Variants in NFXL1 observed in about 807,000 individuals in gnomAD.
The protein encoded by NFXL1 is nuclear transcription factor, X-box binding like 1.
NFXL1 carries 66 observed loss-of-function variants against 123.3 expected under a neutral mutation model. That is an observed-to-expected ratio of 0.54 (90% CI 0.44 to 0.66). The LOEUF (loss-of-function observed/expected upper bound fraction) is 0.66, where lower values mean the gene tolerates loss of function less well. Among genes scored for constraint, NFXL1 ranks in the 30% least tolerant of loss-of-function variants. NFXL1 has a pLI of 0.00. For missense variants in NFXL1, 944 were observed against 1,125.6 expected, an observed-to-expected ratio of 0.84 and a Z score of 2.31; for synonymous variants, 346 against 360.8, an observed-to-expected ratio of 0.96 and a Z score of 0.46.
intron 18 of NFXL1, among the ~76,000 whole-genome samples, chr4:47,868,539 A>T (rs1735243653): frequency 1.3e-5 from 2 of 152,022 alleles, no homozygotes; most frequent in Non-Finnish European, 2.9e-5. Context: ...AAAAGATGGA[A>T]GAAACAAGGG....
chr4:47,875,888 G>T (rs1008774687), intron 17 of NFXL1, among the ~76,000 whole-genome samples: 1 of 151,988 alleles, frequency 6.6e-6, no homozygotes, highest in Non-Finnish European at 1.5e-5. Flanking sequence ...ACTTAACAAG[G>T]CACCTCCCTT....
intron 13 of NFXL1, 104 bp from the exon 14 acceptor site, chr4:47,885,761 A>C: frequency 7.5e-7 from 1 of 1,332,638 alleles, no homozygotes; most frequent in Non-Finnish European, 1.0e-6. Flanking sequence ...ATATAGAATG[A>C]GTATACTGTG....
At chr4:47,894,417 T>G in intron 10 of NFXL1, 115 bp from the exon 11 acceptor site, 1 of 617,804 alleles carries the variant, frequency 1.6e-6, no homozygotes, top group African/African-American at 1.9e-5. Flanking sequence ...ACTAAATTTG[T>G]ATAACAAACT....
rs147698426 is a variant in NFXL1 at position 47,858,949 on chromosome 4, G to A, written c.2317-3786C>T. Among the ~76,000 whole-genome samples the A allele has an allele frequency of 4.6e-5, 7 of 152,112 alleles. No individual in the cohort carries two copies. In the East Asian group the frequency reaches 1.3e-3, roughly 29 times the overall value. ...GATCATTTTCCTGTTAGATGTGTAA[G>A]TAAGTATATGTCATCTCAAAAGCCA... On this transcript the variant is annotated intron_variant, in intron 19 of 22. Transcript: ENST00000507489.
chr4:47,890,681 G>C lies in NFXL1; in HGVS notation c.1475C>G (p.Pro492Arg). The C allele has an allele frequency of 6.2e-7, 1 of 1,609,732 alleles. No homozygotes were observed. Among genetic ancestry groups the C allele is most frequent in the Non-Finnish European group, 8.5e-7 (1 of 1,176,308 alleles). The change falls in exon 12 of 23, where the codon CCT (proline) becomes CGT (arginine). Residue 492 changes from proline (P) to arginine (R), a missense_variant. Pro to Arg is a moderately radical substitution (Grantham distance 103). Around this residue, in one of 4 missense-constraint regions of NFXL1, gnomAD observed 296 missense variants for 395.1 expected, o/e 0.75. Transcript: ENST00000507489. Reference protein sequence around the residue: ...RRKCCPGNCPPCDQNCGRTLG... With the variant: ...RRKCCPGNCPRCDQNCGRTLG... Reference sequence around the variant, plus strand: ...AGTCCGTCCACAGTTTTGATCACAAGGTGGACAGTTTCCAGGGCAACACTG... The same window carrying C: ...AGTCCGTCCACAGTTTTGATCACAACGTGGACAGTTTCCAGGGCAACACTG...
intron 11 of NFXL1, 115 bp from the exon 12 acceptor site, chr4:47,890,818 A>T: frequency 1.7e-6 from 1 of 597,998 alleles, no homozygotes; most frequent in Non-Finnish European, 3.0e-6. Context: ...TCACTAAAAG[A>T]AGTATTCAAG....
chr4:47,878,992 A>G, intron 16 of NFXL1, 104 bp downstream of exon 16: 1 of 717,780 alleles, frequency 1.4e-6, no homozygotes, highest in Non-Finnish European at 2.3e-6. Flanking sequence ...ACAGTAAAAT[A>G]ACAATACTTT....
chr4:47,863,052 C>G (rs1444965791), intron 18 of NFXL1, 137 bp from the exon 19 acceptor site: 10 of 613,630 alleles, frequency 1.6e-5, no homozygotes, highest in Non-Finnish European at 2.3e-5. Context: ...ATTTCTCTAT[C>G]TGTAACAATT....
chr4:47,862,968 AT>A lies in NFXL1; in HGVS notation c.2247-54del. ...AAACAAAAATCCATTTTATAGCATA[AT>A]TTTTCTAAAAATAACTCATAATTTC... On this transcript the variant is annotated intron_variant, in intron 18 of 22. Coordinates refer to ENST00000507489, the MANE Select transcript of NFXL1 (RefSeq NM_001278624.2). The A allele has an allele frequency of 4.2e-6, 4 of 950,264 alleles. No homozygotes were observed. In the South Asian group the frequency reaches 5.8e-5, roughly 14 times the overall value. 58.9% of individuals were successfully genotyped at this position (950,264 alleles called of 1,614,324 possible). A position where few individuals can be genotyped will look rare whatever the true frequency, so the allele number is the denominator to read the frequency against.
In NFXL1 at chr4:47,914,121, A is replaced by T. The variant is rs550201087; in HGVS notation, c.83T>A (p.Val28Asp). The stretch of plus-strand genomic sequence containing the variant: ...CCCTCCTCCGGCGCCGCGGAGATGG[A>T]CTCCATTTCCTGAGGGGGCGGCAGT... ...RATAAPSGNG[V>D]HLRGAGGGRE... The change falls in exon 2 of 23, where the codon GTC (valine) becomes GAC (aspartate). Residue 28 changes from valine to aspartate, a missense_variant. Transcript: ENST00000507489. 25 of 1,552,132 alleles carry T rather than the reference A, an allele frequency of 1.6e-5. No homozygotes were observed. In the African/African-American group the frequency reaches 3.2e-4, roughly 20 times the overall value.
chr4:47,858,596 C>A (rs951545953), intron 19 of NFXL1, among the ~76,000 whole-genome samples: 1 of 152,148 alleles, frequency 6.6e-6, no homozygotes, highest in African/African-American at 2.4e-5. Flanking sequence ...CATATATAAG[C>A]AAGTCACAAA....
chr4:47,899,615 T>A, intron 5 of NFXL1, 67 bp from the exon 6 acceptor site: 1 of 960,240 alleles, frequency 1.0e-6, no homozygotes, highest in Non-Finnish European at 1.6e-6. Context: ...GACAGAAATA[T>A]ACTTAACAGA....
intron 18 of NFXL1, among the ~76,000 whole-genome samples, chr4:47,870,007 C>A (rs1004293662): frequency 1.3e-5 from 2 of 151,820 alleles, no homozygotes; most frequent in Non-Finnish European, 2.9e-5. Context: ...CCAAAAATGA[C>A]CCCATAAGAG....
At chr4:47,894,101 G>C in intron 11 of NFXL1, 79 bp downstream of exon 11, 2 of 1,023,746 alleles carry the variant, frequency 2.0e-6, no homozygotes, top group South Asian at 3.9e-5. Context: ...AACAATTCAA[G>C]ACAGCACTTA....
At chr4:47,882,979 T>A (rs1736205086) in intron 15 of NFXL1, among the ~76,000 whole-genome samples, 1 of 152,194 alleles carries the variant, frequency 6.6e-6, no homozygotes, top group African/African-American at 2.4e-5. Flanking sequence ...GGAGCAGGCA[T>A]CCTAGTCTTG....
intron 2 of NFXL1, among the ~76,000 whole-genome samples, chr4:47,911,887 G>A (rs1417067216): frequency 6.6e-6 from 1 of 152,164 alleles, no homozygotes; most frequent in Non-Finnish European, 1.5e-5. Context: ...TAAGAAAGGA[G>A]CCACAAACCT....
intron 8 of NFXL1, 29 bp downstream of exon 8, chr4:47,898,728 C>CGTGG: frequency 5.0e-5 from 57 of 1,145,066 alleles, no homozygotes; most frequent in Non-Finnish European, 7.0e-5. Flanking sequence ...CTCTTTAATA[C>CGTGG]CCACCCCTCA....
intron 17 of NFXL1, 75 bp downstream of exon 17, chr4:47,878,450 T>G: frequency 8.7e-7 from 1 of 1,148,350 alleles, no homozygotes; most frequent in South Asian, 2.0e-5. Flanking sequence ...AACAGAAAAA[T>G]ATTTATGGTA....
intron 19 of NFXL1, among the ~76,000 whole-genome samples, chr4:47,859,841 C>CAAAAAAAAA (rs938207203): frequency 9.8e-4 from 14 of 14,312 alleles, no homozygotes; most frequent in Admixed American, 1.3e-3. Context: ...GACTCCATCT[C>CAAAAAAAAA]AAAAAAAAAA....
Sources: gnomAD v4.1 joint callset for allele counts (sites outside exome capture counted in the v4.1 genomes callset) on GRCh38, gnomAD v4.1.1 for gene constraint, gnomAD v4.1.1 regional missense constraint, MANE v1.5 for transcripts, NCBI Gene and HGNC (gene_info 2026-07-23, HGNC 2026-07-21) for gene names.